Variants in CPED1 observed in about 807,000 individuals in gnomAD.
CPED1 encodes cadherin-like and PC-esterase domain-containing protein 1.
Under a neutral mutation model 128.2 loss-of-function variants are expected in CPED1, and 114 were observed. The ratio of observed to expected loss-of-function variants is 0.89; its 90% CI spans 0.76 to 1.04. The LOEUF is 1.04. CPED1 is among the 50% of genes least tolerant of loss of function. The pLI, the probability that CPED1 is intolerant of heterozygous loss-of-function variation, is 0.00. For synonymous variants in CPED1, 462 were observed against 426.7 expected, an observed-to-expected ratio of 1.08 and a Z score of -1.02; for missense variants, 1,211 against 1,207.1, an observed-to-expected ratio of 1.00 and a Z score of -0.05.
At chr7:121,116,223 C>T (rs973005472) in intron 7 of CPED1, among the ~76,000 whole-genome samples, 12 of 151,938 alleles carry the variant, frequency 7.9e-5, no homozygotes, top group African/African-American at 1.7e-4. Context: ...TTAAGAAGTA[C>T]GAATGAGTAA....
At chr7:121,072,742 A>C (rs1331992287) in intron 5 of CPED1, among the ~76,000 whole-genome samples, 2 of 152,176 alleles carry the variant, frequency 1.3e-5, no homozygotes, top group African/African-American at 4.8e-5. Flanking sequence ...ATTTCTTCCA[A>C]TTTGAGCATA....
At chr7:121,016,291 T>A (rs1003746326) in intron 3 of CPED1, among the ~76,000 whole-genome samples, 2 of 152,216 alleles carry the variant, frequency 1.3e-5, no homozygotes, top group Non-Finnish European at 2.9e-5. Context: ...GTATGGATAT[T>A]GATCATATGT....
At chr7:121,256,589 T>C (rs963980119) in intron 18 of CPED1, among the ~76,000 whole-genome samples, 28 of 152,094 alleles carry the variant, frequency 1.8e-4, no homozygotes, top group Middle Eastern at 3.2e-3. Context: ...AGAACACTTA[T>C]ACACTGTTGG....
chr7:121,222,946 T>G (rs1797916155), intron 16 of CPED1, among the ~76,000 whole-genome samples: 1 of 152,174 alleles, frequency 6.6e-6, no homozygotes, highest in African/African-American at 2.4e-5. Flanking sequence ...ATACCCTTTA[T>G]TTCTTTCTCT....
chr7:121,258,903 C>T (rs1791948833), intron 18 of CPED1, among the ~76,000 whole-genome samples: 1 of 152,040 alleles, frequency 6.6e-6, no homozygotes, highest in African/African-American at 2.4e-5. Context: ...ATGCTAATCA[C>T]ATCACAGCAA....
intron 3 of CPED1, among the ~76,000 whole-genome samples, chr7:121,030,042 C>T (rs1314584636): frequency 2.6e-5 from 4 of 152,122 alleles, no homozygotes; most frequent in Non-Finnish European, 4.4e-5. Flanking sequence ...CAATCAAATA[C>T]TGGCAAATAC....
chr7:121,259,494 G>T (rs956049017), intron 18 of CPED1, among the ~76,000 whole-genome samples: 13 of 151,884 alleles, frequency 8.6e-5, no homozygotes, highest in Non-Finnish European at 1.5e-4. Context: ...ATATACAATT[G>T]TGTTGAATTA....
chr7:121,186,917 A>G (rs1416608161), intron 16 of CPED1, among the ~76,000 whole-genome samples: 1 of 152,168 alleles, frequency 6.6e-6, no homozygotes, highest in Non-Finnish European at 1.5e-5. Flanking sequence ...GAGTCTGCAC[A>G]TTAGTGTGGT....
intron 7 of CPED1, among the ~76,000 whole-genome samples, chr7:121,112,786 G>A (rs934885499): frequency 1.3e-5 from 2 of 152,172 alleles, no homozygotes; most frequent in East Asian, 1.9e-4. Flanking sequence ...GTCACACTGC[G>A]AAGGGGTGTG....
chr7:121,254,034 G>A (rs1222361118), intron 18 of CPED1, among the ~76,000 whole-genome samples: 1 of 151,866 alleles, frequency 6.6e-6, no homozygotes, highest in Non-Finnish European at 1.5e-5. Flanking sequence ...AGAAACTCTG[G>A]ACTTAAAATC....
At position 121,083,166 on chromosome 7, in the gene CPED1, T is replaced by C. The variant is rs1349573662; in HGVS notation, c.617-14533T>C. 2.0e-5 allele frequency among the ~76,000 whole-genome samples: 3 copies of C among 152,240 alleles called. No homozygotes were observed. In the East Asian group the frequency reaches 5.8e-4, roughly 30 times the overall value. ...CTTTTCTGTTACCTCTTTTCTGATGTGCCTACTCCAGACTCAGCTCTGCAA... is the reference window on the plus strand; with the variant it reads ...CTTTTCTGTTACCTCTTTTCTGATGCGCCTACTCCAGACTCAGCTCTGCAA... On this transcript the variant is annotated intron_variant, in intron 5 of 22. Transcript: ENST00000310396.
intron 5 of CPED1, among the ~76,000 whole-genome samples, chr7:121,084,570 C>T (rs1050006216): frequency 6.6e-6 from 1 of 152,190 alleles, no homozygotes; most frequent in Non-Finnish European, 1.5e-5. Context: ...ATGGAAACAG[C>T]TCTGGAGAAA....
intron 16 of CPED1, among the ~76,000 whole-genome samples, chr7:121,175,579 TATACTC>T (rs1241932515): frequency 2.6e-5 from 4 of 152,104 alleles, no homozygotes; most frequent in African/African-American, 9.7e-5. Context: ...TCCAGAATCT[TATACTC>T]AAAGCCAGTC....
At chr7:121,203,758 G>A (rs528314131) in intron 16 of CPED1, among the ~76,000 whole-genome samples, 21 of 152,198 alleles carry the variant, frequency 1.4e-4, no homozygotes, top group African/African-American at 5.1e-4. Context: ...TGTCATGGAG[G>A]GAAAAGGTAA....
In CPED1 at chr7:121,212,706, T is replaced by C. The variant is rs76688702; in HGVS notation, c.2056-24008T>C. Among the ~76,000 whole-genome samples the C allele has an allele frequency of 5.7e-3, 830 of 145,036 alleles. 7 individuals carry two copies. Among genetic ancestry groups the C allele is most frequent in the African/African-American group, 0.019 (765 of 39,556 alleles). ...TAAAGGAATTCATTGGAAAAAAAAA[T>C]GAATAGATGTCATAAACTGTAAACT... is the stretch of plus-strand genomic sequence containing the variant. On this transcript the variant is annotated intron_variant, in intron 16 of 22. Coordinates refer to ENST00000310396, the MANE Select transcript of CPED1 (RefSeq NM_024913.5).
chr7:121,125,500 C>T (rs1335088393), intron 8 of CPED1, among the ~76,000 whole-genome samples: 1 of 152,136 alleles, frequency 6.6e-6, no homozygotes, highest in Non-Finnish European at 1.5e-5. Context: ...GTGATGTTCC[C>T]CTCCCTGTGT....
intron 11 of CPED1, among the ~76,000 whole-genome samples, chr7:121,129,912 C>G (rs1795620853): frequency 6.6e-6 from 1 of 151,744 alleles, no homozygotes; most frequent in Non-Finnish European, 1.5e-5. Context: ...AAAACTCACC[C>G]TATTTGGAAA....
chr7:121,028,292 T>G (rs1352928119), intron 3 of CPED1, among the ~76,000 whole-genome samples: 2 of 152,182 alleles, frequency 1.3e-5, no homozygotes, highest in African/African-American at 4.8e-5. Context: ...TGCTAGTTAC[T>G]TTTTTATTAT....
intron 16 of CPED1, among the ~76,000 whole-genome samples, chr7:121,144,667 C>T (rs1338009324): frequency 6.6e-6 from 1 of 151,914 alleles, no homozygotes; most frequent in Non-Finnish European, 1.5e-5. Context: ...TTCAAAACAA[C>T]TAGAAGAGTG....
Sources: gnomAD v4.1 joint callset for allele counts (sites outside exome capture counted in the v4.1 genomes callset) on GRCh38, gnomAD v4.1.1 for gene constraint, MANE v1.5 for transcripts, NCBI Gene and HGNC (gene_info 2026-07-23, HGNC 2026-07-21) for gene names.